The following CNTN5 variants were observed in gnomAD, a reference collection of about 807,000 sequenced individuals.
The protein encoded by CNTN5 is contactin 5, also known as contactin-5.
Under a neutral mutation model 129.1 loss-of-function variants are expected in CNTN5, and 77 were observed. That is an observed-to-expected ratio of 0.60 (90% CI 0.50 to 0.72). The LOEUF (loss-of-function observed/expected upper bound fraction) is 0.72, where lower values mean the gene tolerates loss of function less well. Among genes scored for constraint, CNTN5 ranks in the 30% least tolerant of loss-of-function variants. CNTN5 has a pLI of 0.00. For missense variants in CNTN5, 1,478 were observed against 1,328.8 expected (o/e 1.11, Z -1.75); for synonymous variants, 509 against 465.6 (o/e 1.09, Z -1.20).
chr11:100,110,870 G>A (rs1456071519), intron 13 of CNTN5, among the ~76,000 whole-genome samples: 1 of 152,116 alleles, frequency 6.6e-6, no homozygotes, highest in Non-Finnish European at 1.5e-5. Flanking sequence ...GCCTCTGGTA[G>A]CATCAATAAT....
intron 15 of CNTN5, among the ~76,000 whole-genome samples, chr11:100,222,351 C>T (rs540344753): frequency 2.2e-4 from 34 of 152,244 alleles, no homozygotes; most frequent in African/African-American, 8.2e-4. Flanking sequence ...ATCTATATCT[C>T]GCTCTCCTGA....
chr11:99,862,076 G>A (rs1053300461), intron 6 of CNTN5, among the ~76,000 whole-genome samples: 1 of 151,976 alleles, frequency 6.6e-6, no homozygotes, highest in Non-Finnish European at 1.5e-5. Flanking sequence ...TAACTTGTAT[G>A]CTATAGTAAA....
chr11:99,123,568 T>C lies in CNTN5; in HGVS notation c.-210+102298T>C, dbSNP rs890203738. Among the ~76,000 whole-genome samples the C allele has an allele frequency of 3.3e-5, 5 of 152,152 alleles. No individual in the cohort carries two copies. The East Asian group carries it at 9.6e-4, about 29-fold the overall frequency. ...AGGTAATAATTGCCAATTTTTCTTT[T>C]TGTTGCAGTTGCTTTTGACATCTTC... On this transcript the variant is annotated intron_variant, in intron 1 of 24. Coordinates refer to ENST00000524871, the MANE Select transcript of CNTN5 (RefSeq NM_014361.4).
At chr11:100,159,983 GTT>G (rs1352322706) in intron 13 of CNTN5, among the ~76,000 whole-genome samples, 1 of 151,794 alleles carries the variant, frequency 6.6e-6, no homozygotes, top group Non-Finnish European at 1.5e-5. Context: ...GAACGTGCAG[GTT>G]TGTTACATAG....
At chr11:99,828,715 G>T (rs1367282673) in intron 4 of CNTN5, among the ~76,000 whole-genome samples, 1 of 152,062 alleles carries the variant, frequency 6.6e-6, no homozygotes, top group Non-Finnish European at 1.5e-5. Flanking sequence ...AAAACTGAAA[G>T]AACCTTTCAT....
chr11:99,023,542 T>C (rs1403778695), intron 1 of CNTN5, among the ~76,000 whole-genome samples: 1 of 152,158 alleles, frequency 6.6e-6, no homozygotes, highest in Non-Finnish European at 1.5e-5. Flanking sequence ...AAGATTAAAA[T>C]AAAAATGATG....
At chr11:99,622,625 T>C (rs1950988414) in intron 3 of CNTN5, among the ~76,000 whole-genome samples, 1 of 152,134 alleles carries the variant, frequency 6.6e-6, no homozygotes, top group African/African-American at 2.4e-5. Flanking sequence ...GCATAGATGC[T>C]GAGCCAACTT....
At position 99,678,495 on chromosome 11, in the gene CNTN5, A is replaced by G. The variant is rs971016672; in HGVS notation, c.55+122226A>G. ...AGGAAGGAATGCGAACGGGAAACAT[A>G]TGTAATCAAGAAAGTCAGCACTTAT... On this transcript the variant is annotated intron_variant, in intron 3 of 24. Coordinates refer to ENST00000524871, the MANE Select transcript of CNTN5 (RefSeq NM_014361.4). Among the ~76,000 whole-genome samples the G allele has an allele frequency of 3.3e-5, 5 of 152,272 alleles. No homozygotes were observed. In the East Asian group the frequency reaches 5.8e-4, roughly 18 times the overall value.
intron 15 of CNTN5, among the ~76,000 whole-genome samples, chr11:100,220,814 A>G (rs1204166844): frequency 1.3e-5 from 2 of 152,186 alleles, no homozygotes; most frequent in Non-Finnish European, 2.9e-5. Context: ...TCTAGAACCC[A>G]CATATACTCT....
chr11:99,669,057 T>C (rs763680850), intron 3 of CNTN5, among the ~76,000 whole-genome samples: 1 of 152,170 alleles, frequency 6.6e-6, no homozygotes, highest in Non-Finnish European at 1.5e-5. Context: ...TATTTGTGCT[T>C]TCTTTTAAAC....
intron 2 of CNTN5, among the ~76,000 whole-genome samples, chr11:99,459,067 G>A (rs1944595913): frequency 6.6e-6 from 1 of 151,984 alleles, no homozygotes; most frequent in Non-Finnish European, 1.5e-5. Flanking sequence ...GACAGAGTTA[G>A]TTATTTTGTT....
At chr11:99,778,643 A>G (rs1315707768) in intron 3 of CNTN5, among the ~76,000 whole-genome samples, 5 of 151,788 alleles carry the variant, frequency 3.3e-5, no homozygotes, top group African/African-American at 1.2e-4. Flanking sequence ...ATCATAGGTT[A>G]AAGCCCTAAT....
At chr11:99,717,786 A>C (rs1353173530) in intron 3 of CNTN5, among the ~76,000 whole-genome samples, 2 of 152,152 alleles carry the variant, frequency 1.3e-5, no homozygotes, top group Admixed American at 1.3e-4. Context: ...CATAACTTAC[A>C]TGGCACATAA....
intron 18 of CNTN5, among the ~76,000 whole-genome samples, chr11:100,273,322 G>A (rs1251574920): frequency 6.6e-6 from 1 of 152,106 alleles, no homozygotes; most frequent in Non-Finnish European, 1.5e-5. Flanking sequence ...TCCCACATGA[G>A]TTTGCTGGGC....
chr11:99,264,145 A>G (rs963326675), intron 1 of CNTN5, among the ~76,000 whole-genome samples: 4 of 151,738 alleles, frequency 2.6e-5, no homozygotes, highest in African/African-American at 9.7e-5. Context: ...TGCTCACAGG[A>G]TACCTATTTC....
chr11:99,360,539 G>T (rs551594466), intron 2 of CNTN5, among the ~76,000 whole-genome samples: 102 of 152,276 alleles, frequency 6.7e-4, no homozygotes, highest in African/African-American at 2.4e-3. Context: ...TTTACCTCTG[G>T]CAGCCCTGGT....
At chr11:99,153,292 T>C (rs1478472039) in intron 1 of CNTN5, among the ~76,000 whole-genome samples, 1 of 152,184 alleles carries the variant, frequency 6.6e-6, no homozygotes, top group Non-Finnish European at 1.5e-5. Flanking sequence ...TTGGTCTTTA[T>C]ACATTATCCC....
chr11:99,758,816 T>G (rs2135266173), intron 3 of CNTN5, among the ~76,000 whole-genome samples: 1 of 152,108 alleles, frequency 6.6e-6, no homozygotes, highest in South Asian at 2.1e-4. Flanking sequence ...ATGCAAGCAT[T>G]TTGAGGTTAT....
At chr11:99,982,600 C>T (rs1938415898) in intron 8 of CNTN5, among the ~76,000 whole-genome samples, 2 of 152,120 alleles carry the variant, frequency 1.3e-5, no homozygotes, top group Non-Finnish European at 2.9e-5. Context: ...CTGTTCTGAT[C>T]AGAAAAGATC....
Sources: gnomAD v4.1 joint callset for allele counts (sites outside exome capture counted in the v4.1 genomes callset) on GRCh38, gnomAD v4.1.1 for gene constraint, MANE v1.5 for transcripts, NCBI Gene and HGNC (gene_info 2026-07-23, HGNC 2026-07-21) for gene names.